Variants in PCLAF observed in about 807,000 individuals in gnomAD.
PCLAF encodes the protein PCNA clamp associated factor.
In PCLAF, 12 loss-of-function variants were observed where a neutral mutation model predicts 15.1. That is an observed-to-expected ratio of 0.79 (90% CI 0.51 to 1.29). The LOEUF (loss-of-function observed/expected upper bound fraction) is 1.29. PCLAF is among the 50% of genes most tolerant of loss of function. PCLAF has a pLI of 0.00. For synonymous variants in PCLAF, 33 were observed against 47.1 expected, an observed-to-expected ratio of 0.70 and a Z score of 1.22; for missense variants, 116 against 130.9, an observed-to-expected ratio of 0.89 and a Z score of 0.56.
At chr15:64,372,716 G>C (rs1487177025) in intron 3 of PCLAF, among the ~76,000 whole-genome samples, 1 of 151,828 alleles carries the variant, frequency 6.6e-6, no homozygotes, top group Non-Finnish European at 1.5e-5. Context: ...GCTCATGCCT[G>C]TAATCCCAGC....
intron 2 of PCLAF, among the ~76,000 whole-genome samples, chr15:64,378,936 A>G (rs540745179): frequency 1.1e-4 from 17 of 152,154 alleles, no homozygotes; most frequent in African/African-American, 4.1e-4. Flanking sequence ...TATAGCAGCA[A>G]CAGGTTCAAA....
intron 3 of PCLAF, among the ~76,000 whole-genome samples, chr15:64,374,846 C>CA (rs372818602): frequency 0.032 from 1,288 of 39,742 alleles, 18 homozygotes; most frequent in East Asian, 0.18. Context: ...ACCCCCATAT[C>CA]AAAAAAAAAA....
chr15:64,381,527 C>T (rs947033077), upstream of PCLAF: 1 of 1,521,886 alleles, frequency 6.6e-7, no homozygotes, highest in Non-Finnish European at 8.8e-7. Context: ...CCCATTGGTT[C>T]CGCGCCGTTC....
At chr15:64,368,064 C>T (rs573640718) in intron 3 of PCLAF, among the ~76,000 whole-genome samples, 2 of 151,358 alleles carry the variant, frequency 1.3e-5, no homozygotes, top group Admixed American at 6.6e-5. Flanking sequence ...ATCGTTGGCC[C>T]GGCGCGGTGG....
chr15:64,381,385 G>A lies in PCLAF; in HGVS notation c.-14C>T, dbSNP rs1316359980. ...AGTCCGCACCATGTTCAAACAAGAA[G>A]AGAGGAGAGGAGAGAACGAACTGAC... On this transcript the variant is annotated 5_prime_UTR_variant, in exon 1 of 4. Coordinates refer to ENST00000300035, the MANE Select transcript of PCLAF (RefSeq NM_014736.6). 2.5e-6 allele frequency: 4 copies of A among 1,614,030 alleles called. No homozygotes were observed. The highest frequency in any genetic ancestry group is 1.3e-5 in the African/African-American group (1 of 74,936).
chr15:64,386,619 A>AGTGTGT lies in PCLAF; in HGVS notation n.241+822_241+827dup, dbSNP rs35727456. Among the ~76,000 whole-genome samples, 663 of 146,388 alleles carry AGTGTGT rather than the reference A, an allele frequency of 4.5e-3. 5 individuals carry two copies. Among genetic ancestry groups the AGTGTGT allele is most frequent in the African/African-American group, 0.015 (596 of 39,990 alleles). On this transcript the variant is annotated intron_variant and non_coding_transcript_variant, in intron 1 of 1. Transcript: ENST00000558250. Reference sequence around the variant, plus strand: ...ATTACAGGCATGAGCCACCACGCCCAGTGTGTGTGTGTGTGTGTGTGTGTG... The same window carrying AGTGTGT: ...ATTACAGGCATGAGCCACCACGCCCAGTGTGTGTGTGTGTGTGTGTGTGTGTGTGTG...
chr15:64,377,590 A>G (rs1194679169), intron 2 of PCLAF, among the ~76,000 whole-genome samples: 1 of 136,748 alleles, frequency 7.3e-6, no homozygotes, highest in Non-Finnish European at 1.5e-5. Flanking sequence ...CTAACATAAG[A>G]TAGGACCATG....
At position 64,373,633 on chromosome 15, in the gene PCLAF, C is replaced by G. The variant is rs531383952; in HGVS notation, c.290+3110G>C. ...TGGTTAAAGGAACAAATGAAGAAAC[C>G]TGCACGGGTAGGAGCAGCGCCAGAA... On this transcript the variant is annotated intron_variant, in intron 3 of 3. Transcript: ENST00000300035. The G allele has an allele frequency of 1.7e-5, 26 of 1,517,234 alleles. No individual in the cohort carries two copies. The East Asian group carries it at 5.5e-4, about 32-fold the overall frequency. 94.0% of individuals were successfully genotyped at this position (1,517,234 alleles called of 1,614,324 possible). A position where few individuals can be genotyped will look rare whatever the true frequency, so the allele number is the denominator to read the frequency against.
At chr15:64,381,967 G>GT (rs1211426823), upstream of PCLAF, among the ~76,000 whole-genome samples, 5 of 152,212 alleles carry the variant, frequency 3.3e-5, no homozygotes, top group East Asian at 7.7e-4. Flanking sequence ...GTTTACAAGG[G>GT]TTTTTTTAAA....
At chr15:64,381,974 T>A (rs1008764459), upstream of PCLAF, among the ~76,000 whole-genome samples, 9 of 152,204 alleles carry the variant, frequency 5.9e-5, no homozygotes, top group East Asian at 1.9e-4. Flanking sequence ...AGGGTTTTTT[T>A]AAATGTCTTT....
chr15:64,381,597 T>C (rs1899825247), upstream of PCLAF: 1 of 1,327,478 alleles, frequency 7.5e-7, no homozygotes, highest in East Asian at 2.6e-5. Context: ...GCAGCGCGAA[T>C]CCGTCCATCA....
chr15:64,384,824 G>T (rs75539673), upstream of PCLAF, among the ~76,000 whole-genome samples: 316 of 151,910 alleles, frequency 2.1e-3, 14 homozygotes, highest in East Asian at 0.056. Flanking sequence ...AGGCAGAAAT[G>T]TAATTTAACA....
At chr15:64,378,247 A>G (rs2140530971) in intron 2 of PCLAF, among the ~76,000 whole-genome samples, 1 of 152,168 alleles carries the variant, frequency 6.6e-6, no homozygotes, top group East Asian at 1.9e-4. Flanking sequence ...ATTTTTCAAC[A>G]GTAATATAAG....
intron 3 of PCLAF, among the ~76,000 whole-genome samples, chr15:64,368,286 C>G (rs1011328683): frequency 6.6e-6 from 1 of 151,848 alleles, no homozygotes; most frequent in African/African-American, 2.4e-5. Flanking sequence ...TGGACTCCAG[C>G]CTGGGCAACA....
chr15:64,370,588 C>T (rs193164971), intron 3 of PCLAF, among the ~76,000 whole-genome samples: 11 of 151,590 alleles, frequency 7.3e-5, no homozygotes, highest in African/African-American at 1.2e-4. Flanking sequence ...AGGCTGGTCT[C>T]GAACTCCTGA....
chr15:64,381,564 T>A, upstream of PCLAF: 1 of 1,440,660 alleles, frequency 6.9e-7, no homozygotes, highest in Non-Finnish European at 9.2e-7. Context: ...CAATGCCCAG[T>A]GGTGACAGCG....
chr15:64,373,591 A>T, intron 3 of PCLAF: 1 of 1,451,572 alleles, frequency 6.9e-7, no homozygotes, highest in Admixed American at 2.4e-5. Flanking sequence ...TTTCGGCTGC[A>T]GTAGCTTCCG....
rs140289458 is a variant in PCLAF at position 64,370,593 on chromosome 15, T to G, written c.291-4518A>C. On this transcript the variant is annotated intron_variant, in intron 3 of 3. Transcript: ENST00000300035. ...CGTGTTGGCCAGGCTGGTCTCGAAC[T>G]CCTGACCTTGGGTGATCCACCTGCC... Among the ~76,000 whole-genome samples the G allele has an allele frequency of 4.8e-3, 723 of 151,912 alleles. 6 individuals carry two copies. Among genetic ancestry groups the G allele is most frequent in the African/African-American group, 0.016 (673 of 41,470 alleles).
At chr15:64,372,295 T>C (rs778722493) in intron 3 of PCLAF, among the ~76,000 whole-genome samples, 1 of 152,200 alleles carries the variant, frequency 6.6e-6, no homozygotes, top group Non-Finnish European at 1.5e-5. Context: ...ATCATTGCTC[T>C]GGCACACTTC....
Sources: allele counts gnomAD v4.1 joint callset (sites outside exome capture counted in the v4.1 genomes callset), GRCh38; gene constraint gnomAD v4.1.1; transcripts MANE v1.5; gene names NCBI Gene and HGNC (gene_info 2026-07-23, HGNC 2026-07-21).